The following ENOX1 variants were observed in gnomAD, a reference collection of about 807,000 sequenced individuals.
The protein encoded by ENOX1 is ecto-NOX disulfide-thiol exchanger 1.
In ENOX1, 42 loss-of-function variants were observed where a neutral mutation model predicts 82.5. The observed-to-expected ratio is 0.51, with a 90% CI of 0.40 to 0.66. The LOEUF is 0.66. Ranked by LOEUF, ENOX1 falls within the 30% of genes least tolerant of loss-of-function variation. ENOX1 has a pLI of 0.00. For synonymous variants in ENOX1, 271 were observed against 282.2 expected, an observed-to-expected ratio of 0.96 and a Z score of 0.40; for missense variants, 608 against 811.6, an observed-to-expected ratio of 0.75 and a Z score of 3.05.
chr13:43,562,415 A>G (rs2079722822), intron 2 of ENOX1, among the ~76,000 whole-genome samples: 1 of 152,134 alleles, frequency 6.6e-6, no homozygotes, highest in Non-Finnish European at 1.5e-5. Context: ...ATCAAAATAT[A>G]CCACCAGAAA....
chr13:43,780,957 T>C (rs1024274540), intron 1 of ENOX1, among the ~76,000 whole-genome samples: 12 of 152,234 alleles, frequency 7.9e-5, no homozygotes, highest in African/African-American at 2.9e-4. Context: ...CAGCAAACTT[T>C]ACCCTCCAGC....
chr13:43,461,605 G>C (rs1306039272), intron 3 of ENOX1, among the ~76,000 whole-genome samples: 2 of 152,154 alleles, frequency 1.3e-5, no homozygotes, highest in African/African-American at 4.8e-5. Flanking sequence ...AGGAGGACGT[G>C]GTCATGGCCT....
intron 3 of ENOX1, among the ~76,000 whole-genome samples, chr13:43,449,209 C>T (rs2056821846): frequency 6.6e-6 from 1 of 152,208 alleles, no homozygotes; most frequent in South Asian, 2.1e-4. Flanking sequence ...ACGCACATTT[C>T]CCTAAGCAGA....
intron 3 of ENOX1, among the ~76,000 whole-genome samples, chr13:43,433,725 T>C (rs9590762): frequency 0.2 from 29,899 of 152,212 alleles, 3,544 homozygotes; most frequent in Middle Eastern, 0.31. Context: ...AAAACTATGG[T>C]TCATGTTGTT....
Position 43,524,263 on chromosome 13 carries a change from G to T in ENOX1, c.-218-40111C>A, listed in dbSNP as rs1369386712. On this transcript the variant is annotated intron_variant, in intron 2 of 16. Transcript: ENST00000690772. ...TAACCCCAGACACTCACATTTCTTAGCTCCTCTCATTAAAAAGCACACTGG... is the reference window on the plus strand; with the variant it reads ...TAACCCCAGACACTCACATTTCTTATCTCCTCTCATTAAAAAGCACACTGG... 2.6e-5 allele frequency among the ~76,000 whole-genome samples: 4 copies of T among 151,998 alleles called. No individual in the cohort carries two copies. The East Asian group carries it at 7.7e-4, about 29-fold the overall frequency.
chr13:43,309,472 T>C (rs2047063731), intron 11 of ENOX1, among the ~76,000 whole-genome samples: 1 of 152,174 alleles, frequency 6.6e-6, no homozygotes, highest in Non-Finnish European at 1.5e-5. Context: ...CATAGTGAGC[T>C]TGGCAGTGCT....
chr13:43,617,154 C>T (rs966915060), intron 2 of ENOX1, among the ~76,000 whole-genome samples: 2 of 152,154 alleles, frequency 1.3e-5, no homozygotes. Context: ...GTTAAAGTAG[C>T]TGTGCCTCAT....
chr13:43,751,409 T>C (rs1278699668), intron 1 of ENOX1, among the ~76,000 whole-genome samples: 3 of 152,196 alleles, frequency 2.0e-5, no homozygotes, highest in Non-Finnish European at 4.4e-5. Flanking sequence ...CTCCACACTT[T>C]AAAGTGTACA....
chr13:43,784,427 T>C (rs1184906456), intron 1 of ENOX1, among the ~76,000 whole-genome samples: 2 of 152,236 alleles, frequency 1.3e-5, no homozygotes, highest in African/African-American at 4.8e-5. Flanking sequence ...GGTCCTCCAG[T>C]CAGAAAAGCA....
intron 2 of ENOX1, among the ~76,000 whole-genome samples, chr13:43,585,799 G>A (rs557902295): frequency 1.3e-5 from 2 of 152,218 alleles, no homozygotes; most frequent in Admixed American, 6.5e-5. Flanking sequence ...GGCTGGTCTC[G>A]AACTCCTGAC....
chr13:43,380,672 A>T (rs961191108), intron 5 of ENOX1, among the ~76,000 whole-genome samples: 8 of 151,750 alleles, frequency 5.3e-5, no homozygotes, highest in African/African-American at 1.7e-4. Flanking sequence ...CTCACTTTTA[A>T]TACGAAGTCA....
intron 2 of ENOX1, among the ~76,000 whole-genome samples, chr13:43,562,527 C>T (rs1021988687): frequency 1.3e-5 from 2 of 151,932 alleles, no homozygotes; most frequent in African/African-American, 4.8e-5. Context: ...CCTTACTTAC[C>T]AATAATAACA....
intron 1 of ENOX1, among the ~76,000 whole-genome samples, chr13:43,783,415 C>G (rs1032187217): frequency 6.6e-6 from 1 of 151,734 alleles, no homozygotes; most frequent in Non-Finnish European, 1.5e-5. Context: ...AAATAAAAAA[C>G]AAAGAAAGAA....
intron 1 of ENOX1, among the ~76,000 whole-genome samples, chr13:43,681,096 C>T (rs2153797608): frequency 6.6e-6 from 1 of 152,248 alleles, no homozygotes; most frequent in South Asian, 2.1e-4. Context: ...CCCTGCCCTG[C>T]CCCTTTCCCT....
rs567951614 is a variant in ENOX1 at position 43,582,951 on chromosome 13, T to G, written c.-219+84528A>C. ...TAATTATCACACAAATAAAGAAGAT[T>G]GTTAGAGTTATCCCCCAAACTGGAC... On this transcript the variant is annotated intron_variant, in intron 2 of 16. Coordinates refer to ENST00000690772, the MANE Select transcript of ENOX1 (RefSeq NM_001347969.2). 2.0e-5 allele frequency among the ~76,000 whole-genome samples: 3 copies of G among 152,092 alleles called. No homozygotes were observed. In the East Asian group the frequency reaches 5.8e-4, roughly 29 times the overall value.
At chr13:43,587,310 A>T (rs1462075622) in intron 2 of ENOX1, among the ~76,000 whole-genome samples, 1 of 152,190 alleles carries the variant, frequency 6.6e-6, no homozygotes, top group Non-Finnish European at 1.5e-5. Flanking sequence ...CTTTCAAATC[A>T]TCCATTACTT....
intron 1 of ENOX1, among the ~76,000 whole-genome samples, chr13:43,776,959 G>A (rs939184237): frequency 2.0e-5 from 3 of 152,214 alleles, no homozygotes; most frequent in Non-Finnish European, 4.4e-5. Context: ...CATATACAGA[G>A]AGGAGGAAGG....
At chr13:43,693,769 T>G (rs2086493328) in intron 1 of ENOX1, among the ~76,000 whole-genome samples, 1 of 152,186 alleles carries the variant, frequency 6.6e-6, no homozygotes. Flanking sequence ...TAATCATGTC[T>G]ATGATTAGCC....
At chr13:43,222,374 T>C (rs2041834223) in intron 16 of ENOX1, among the ~76,000 whole-genome samples, 1 of 146,148 alleles carries the variant, frequency 6.8e-6, no homozygotes, top group Non-Finnish European at 1.5e-5. Context: ...TCCCAGGAGA[T>C]GATTTTACAC....
Sources: allele counts gnomAD v4.1 joint callset (sites outside exome capture counted in the v4.1 genomes callset), GRCh38; gene constraint gnomAD v4.1.1; transcripts MANE v1.5; gene names NCBI Gene and HGNC (gene_info 2026-07-23, HGNC 2026-07-21).